Variants in SPATA12 observed in about 807,000 individuals in gnomAD.
The protein encoded by SPATA12 is spermatogenesis associated 12.
For synonymous variants in SPATA12, 85 were observed against 89.2 expected (o/e 0.95, Z 0.26); for missense variants, 219 against 226.4 (o/e 0.97, Z 0.21).
Position 57,073,822 on chromosome 3 carries a change from A to T in SPATA12, c.128A>T (p.His43Leu). ...AGAGGCCTTGGGTCATCCACCCAAC[A>T]TCCCAACAAACCCCACTGTGCACTG... ...PPRGLGSSTQ[H>L]PNKPHCALAS... is the part of the protein sequence containing the mutation. Residue 43 changes from histidine (H) to leucine (L), a missense_variant, in exon 2 of 2, where the codon CAT (histidine) becomes CTT (leucine). His to Leu is a moderately conservative substitution (Grantham distance 99). Coordinates refer to ENST00000334325, the MANE Select transcript of SPATA12 (RefSeq NM_181727.2). 6.2e-7 allele frequency: 1 copy of T among 1,614,208 alleles called. No individual in the cohort carries two copies. Among genetic ancestry groups the T allele is most frequent in the African/African-American group, 1.3e-5 (1 of 75,048 alleles).
chr3:57,072,119 A>G (rs1281175959), intron 1 of SPATA12, among the ~76,000 whole-genome samples: 2 of 125,000 alleles, frequency 1.6e-5, no homozygotes, highest in African/African-American at 5.6e-5. Context: ...ATGGATAATA[A>G]CAAGAGTTGA....
At position 57,073,879 on chromosome 3, in the gene SPATA12, G is replaced by T. The variant is rs752646153; in HGVS notation, c.185G>T (p.Gly62Val). ...TGCCAGGGTCCAGGTGTCCTGCCAG[G>T]AGCAGCCTCTGCCCTCCCAGAGCTG... ...ASCQGPGVLP[G>V]AASALPELTF... Residue 62 changes from glycine (G) to valine (V), a missense_variant, in exon 2 of 2, where the codon GGA becomes GTA. Physicochemically the swap from Gly to Val is moderately radical, Grantham distance 109. Transcript: ENST00000334325. 1 of 1,614,204 alleles carries T rather than the reference G, an allele frequency of 6.2e-7. No individual in the cohort carries two copies. The highest frequency in any genetic ancestry group is 8.5e-7 in the Non-Finnish European group (1 of 1,180,040).
At chr3:57,061,748 C>G (rs1705233433) in intron 1 of SPATA12, among the ~76,000 whole-genome samples, 1 of 152,194 alleles carries the variant, frequency 6.6e-6, no homozygotes, top group African/African-American at 2.4e-5. Context: ...TCTCAGTGAG[C>G]AGTCTCTCAT....
At chr3:57,065,549 C>T (rs1560173527) in intron 1 of SPATA12, among the ~76,000 whole-genome samples, 1 of 152,104 alleles carries the variant, frequency 6.6e-6, no homozygotes, top group Non-Finnish European at 1.5e-5. Flanking sequence ...ATCTGCACTA[C>T]CGTATGCATG....
intron 1 of SPATA12, among the ~76,000 whole-genome samples, chr3:57,065,849 C>T (rs906612281): frequency 9.2e-5 from 14 of 152,138 alleles, no homozygotes; most frequent in Admixed American, 2.6e-4. Context: ...ATCTACGGAG[C>T]ATGCACCAAT....
rs190242031 is a variant in SPATA12 at position 57,064,467 on chromosome 3, T to G, written c.-330+3681T>G. On this transcript the variant is annotated intron_variant, in intron 1 of 1. Coordinates refer to ENST00000334325, the MANE Select transcript of SPATA12 (RefSeq NM_181727.2). ...GCCCCCAAGTAGCTGAGATTACAGG[T>G]GCATGCCACCACGCCCAGCAAATTG... Among the ~76,000 whole-genome samples, 390 of 152,118 alleles carry G rather than the reference T, an allele frequency of 2.6e-3. 4 individuals are homozygous for G. The highest frequency in any genetic ancestry group is 8.6e-3 in the African/African-American group (357 of 41,482).
intron 1 of SPATA12, among the ~76,000 whole-genome samples, chr3:57,068,032 G>C (rs1257301818): frequency 6.6e-6 from 1 of 152,000 alleles, no homozygotes; most frequent in Admixed American, 6.6e-5. Flanking sequence ...AAATTAGCCG[G>C]TGTGGTGGCA....
At chr3:57,072,031 T>G (rs940712929) in intron 1 of SPATA12, among the ~76,000 whole-genome samples, 2 of 152,182 alleles carry the variant, frequency 1.3e-5, no homozygotes, top group South Asian at 4.1e-4. Flanking sequence ...CACAACATCA[T>G]TAGCCATCTG....
rs1378938242 is a variant in SPATA12 at position 57,075,236 on chromosome 3, A to G, written c.*969A>G. Reference sequence around the variant, plus strand: ...GATCTCCTTCCCCAGCTTCATCTCCATTACACTGGCCACTCTCCCTCACAT... The same window carrying G: ...GATCTCCTTCCCCAGCTTCATCTCCGTTACACTGGCCACTCTCCCTCACAT... On this transcript the variant is annotated 3_prime_UTR_variant, in exon 2 of 2. Transcript: ENST00000334325. The G allele has an allele frequency of 6.0e-6, 1 of 166,360 alleles. No homozygotes were observed. Among genetic ancestry groups the G allele is most frequent in the Non-Finnish European group, 1.5e-5 (1 of 68,108 alleles). 10.3% of individuals were successfully genotyped at this position (166,360 alleles called of 1,614,324 possible).
At chr3:57,070,928 T>C (rs972491408) in intron 1 of SPATA12, among the ~76,000 whole-genome samples, 3 of 142,028 alleles carry the variant, frequency 2.1e-5, no homozygotes, top group Non-Finnish European at 4.5e-5. Flanking sequence ...GCAGTGATCA[T>C]GCCACTGCAC....
chr3:57,065,071 G>A (rs952005803), intron 1 of SPATA12, among the ~76,000 whole-genome samples: 2 of 152,216 alleles, frequency 1.3e-5, no homozygotes, highest in Non-Finnish European at 2.9e-5. Context: ...GGTGGAGAGA[G>A]GGTTCTGCTG....
chr3:57,065,499 T>C (rs1705478978), intron 1 of SPATA12, among the ~76,000 whole-genome samples: 1 of 152,054 alleles, frequency 6.6e-6, no homozygotes, highest in Non-Finnish European at 1.5e-5. Flanking sequence ...AAAGAAAAAC[T>C]GTATTTTAGG....
At position 57,074,560 on chromosome 3, in the gene SPATA12, GATCA is replaced by G. The variant is rs904433146; in HGVS notation, c.*301_*304del. 3.0e-4 allele frequency: 108 copies of G among 365,888 alleles called. No homozygotes were observed. Among genetic ancestry groups the G allele is most frequent in the African/African-American group, 2.1e-3 (100 of 48,378 alleles). The allele number at this position is 365,888 out of a possible 1,614,324, so 22.7% of individuals were successfully genotyped here. A position where few individuals can be genotyped will look rare whatever the true frequency, so the allele number is the denominator to read the frequency against. ...TTCACTGTATTAAATGACATCAATT[GATCA>G]ATCAATCGATCAATCAATGAAAGAG... On this transcript the variant is annotated 3_prime_UTR_variant, in exon 2 of 2. Coordinates refer to ENST00000334325, the MANE Select transcript of SPATA12 (RefSeq NM_181727.2).
intron 1 of SPATA12, among the ~76,000 whole-genome samples, chr3:57,063,437 C>T (rs1560171860): frequency 2.0e-5 from 3 of 152,098 alleles, no homozygotes; most frequent in African/African-American, 4.8e-5. Context: ...GCTTGGAGGC[C>T]GCAGTCATTC....
At chr3:57,069,660 T>A (rs985334608) in intron 1 of SPATA12, among the ~76,000 whole-genome samples, 1 of 151,474 alleles carries the variant, frequency 6.6e-6, no homozygotes, top group Non-Finnish European at 1.5e-5. Flanking sequence ...TTTTTTTTTC[T>A]TTTGAGACAG....
chr3:57,075,135 G>A lies in SPATA12; in HGVS notation c.*868G>A, dbSNP rs1339174394. The A allele has an allele frequency of 1.2e-5, 2 of 167,088 alleles. No individual in the cohort carries two copies. Among genetic ancestry groups the A allele is most frequent in the East Asian group, 1.9e-4 (1 of 5,192 alleles). The allele number at this position is 167,088 out of a possible 1,614,324, so 10.4% of individuals were successfully genotyped here. ...TGAGGCTGCTCCCTCATTTGTCTGGGTTTCTGCTCCAATGCTATCTCCTCA... is the reference window on the plus strand; with the variant it reads ...TGAGGCTGCTCCCTCATTTGTCTGGATTTCTGCTCCAATGCTATCTCCTCA... On this transcript the variant is annotated 3_prime_UTR_variant, in exon 2 of 2. Coordinates refer to ENST00000334325, the MANE Select transcript of SPATA12 (RefSeq NM_181727.2).
chr3:57,061,946 AACAAGGTGCTGCTCTGCCT>A, intron 1 of SPATA12, among the ~76,000 whole-genome samples: 1 of 152,286 alleles, frequency 6.6e-6, no homozygotes, highest in African/African-American at 2.4e-5. Flanking sequence ...TTGTGACAAA[AACAAGGTGCTGCTCTGCCT>A]ACAAGCATTT....
rs1706045421 is a variant in SPATA12, at chr3:57,073,463, C to G, written c.-232C>G. The G allele has an allele frequency of 1.8e-6, 1 of 558,182 alleles. No individual in the cohort carries two copies. The highest frequency in any genetic ancestry group is 2.9e-6 in the Non-Finnish European group (1 of 344,698). The allele number at this position is 558,182 out of a possible 1,614,324, so 34.6% of individuals were successfully genotyped here. A position where few individuals can be genotyped will look rare whatever the true frequency, so the allele number is the denominator to read the frequency against. The stretch of plus-strand genomic sequence containing the variant: ...TGAAAGAGCTTCCAAGTAGTGGAAA[C>G]AGCAGAAGCAAAGATGTGAACATGG... On this transcript the variant is annotated 5_prime_UTR_variant, in exon 2 of 2. Coordinates refer to ENST00000334325, the MANE Select transcript of SPATA12 (RefSeq NM_181727.2).
chr3:57,072,214 T>A (rs1705946455), intron 1 of SPATA12, among the ~76,000 whole-genome samples: 1 of 152,182 alleles, frequency 6.6e-6, no homozygotes, highest in African/African-American at 2.4e-5. Flanking sequence ...GTTTGGCAGT[T>A]CCTCAAAATG....
Sources: allele counts gnomAD v4.1 joint callset (sites outside exome capture counted in the v4.1 genomes callset), GRCh38; gene constraint gnomAD v4.1.1; transcripts MANE v1.5; gene names NCBI Gene and HGNC (gene_info 2026-07-23, HGNC 2026-07-21).